Variants in PID1 observed in about 807,000 individuals in gnomAD.
PID1 encodes PTB-containing, cubilin and LRP1-interacting protein.
Under a neutral mutation model 19.1 loss-of-function variants are expected in PID1, and 10 were observed. The ratio of observed to expected loss-of-function variants is 0.52; its 90% CI spans 0.32 to 0.89. PID1 has a LOEUF of 0.89. Among genes scored for constraint, PID1 ranks in the 40% least tolerant of loss-of-function variants. The pLI is 0.03. For synonymous variants in PID1, 130 were observed against 116.0 expected, an observed-to-expected ratio of 1.12 and a Z score of -0.78; for missense variants, 248 against 285.3, an observed-to-expected ratio of 0.87 and a Z score of 0.94.
intron 2 of PID1, among the ~76,000 whole-genome samples, chr2:229,034,942 C>G (rs999152420): frequency 6.6e-6 from 1 of 152,062 alleles, no homozygotes; most frequent in African/African-American, 2.4e-5. Context: ...GTGGCAGTCC[C>G]AGAGCCCACC....
Position 229,200,139 on chromosome 2 carries a change from C to T in PID1, c.31-44175G>A, listed in dbSNP as rs115930229. 2.4e-3 allele frequency among the ~76,000 whole-genome samples: 370 copies of T among 151,960 alleles called. 3 individuals are homozygous for T. Among genetic ancestry groups the T allele is most frequent in the African/African-American group, 8.4e-3 (348 of 41,448 alleles). On this transcript the variant is annotated intron_variant, in intron 1 of 2. Transcript: ENST00000392055. ...AAGTGATGACTCCGCTGCTGCACTC[C>T]CCCGACTCATCCTAGGTCCAACAGG...
At chr2:229,183,195 G>A (rs971848967) in intron 1 of PID1, among the ~76,000 whole-genome samples, 1 of 152,334 alleles carries the variant, frequency 6.6e-6, no homozygotes, top group African/African-American at 2.4e-5. Context: ...GATGGACGCA[G>A]AGGCTGGAGG....
intron 2 of PID1, among the ~76,000 whole-genome samples, chr2:229,127,272 C>T (rs895989718): frequency 5.3e-5 from 8 of 152,164 alleles, no homozygotes; most frequent in African/African-American, 1.9e-4. Flanking sequence ...GCAAAGTGGG[C>T]CTAATAATTG....
At chr2:229,048,216 C>A (rs965102667) in intron 2 of PID1, among the ~76,000 whole-genome samples, 1 of 152,152 alleles carries the variant, frequency 6.6e-6, no homozygotes, top group African/African-American at 2.4e-5. Context: ...GCTTAAGTCA[C>A]AGATGTTCTC....
chr2:229,113,450 A>C (rs781173211), intron 2 of PID1, among the ~76,000 whole-genome samples: 3 of 31,200 alleles, frequency 9.6e-5, no homozygotes, highest in African/African-American at 2.0e-4. Flanking sequence ...ATACACACAC[A>C]AACACACACA....
chr2:229,065,122 G>C lies in PID1; in HGVS notation c.178-39014C>G, dbSNP rs555514179. Among the ~76,000 whole-genome samples the C allele has an allele frequency of 3.9e-5, 6 of 152,134 alleles. No individual in the cohort carries two copies. The South Asian group carries it at 8.3e-4, about 21-fold the overall frequency. The stretch of plus-strand genomic sequence containing the variant: ...CATTCTCAAGGTGCTCGGCAAGAAA[G>C]ACCTTGGCTGAATGGTAAGTATCCA... On this transcript the variant is annotated intron_variant, in intron 2 of 2. Coordinates refer to ENST00000392055, the MANE Select transcript of PID1 (RefSeq NM_001100818.2).
At chr2:229,197,649 A>G (rs553277857) in intron 1 of PID1, among the ~76,000 whole-genome samples, 2 of 152,138 alleles carry the variant, frequency 1.3e-5, no homozygotes, top group South Asian at 4.1e-4. Context: ...GTGGTAAACA[A>G]TTACAAATTG....
chr2:229,106,000 A>AC (rs1217743999), intron 2 of PID1, among the ~76,000 whole-genome samples: 2 of 147,666 alleles, frequency 1.4e-5, no homozygotes, highest in Non-Finnish European at 3.0e-5. Context: ...AATAGAGTGA[A>AC]CCCGGGAGGT....
chr2:229,174,440 T>C (rs1690772664), intron 1 of PID1, among the ~76,000 whole-genome samples: 1 of 152,130 alleles, frequency 6.6e-6, no homozygotes. Flanking sequence ...GTTGTAAATG[T>C]AAAGTGAACA....
intron 1 of PID1, among the ~76,000 whole-genome samples, chr2:229,217,384 C>G (rs897357150): frequency 1.8e-4 from 27 of 152,186 alleles, no homozygotes; most frequent in Admixed American, 1.7e-3. Flanking sequence ...AAAACAGCAT[C>G]AAGAAGAAAT....
At chr2:229,037,205 T>C (rs1263322692) in intron 2 of PID1, among the ~76,000 whole-genome samples, 1 of 152,200 alleles carries the variant, frequency 6.6e-6, no homozygotes, top group African/African-American at 2.4e-5. Flanking sequence ...ATTATGTCGA[T>C]ATAATCTATA....
chr2:229,242,516 C>T (rs374336661), intron 1 of PID1, among the ~76,000 whole-genome samples: 57 of 152,134 alleles, frequency 3.7e-4, no homozygotes, highest in African/African-American at 1.3e-3. Context: ...AACCTCAGGA[C>T]TCTCCTCTAC....
chr2:229,038,119 T>C (rs1017317999), intron 2 of PID1, among the ~76,000 whole-genome samples: 5 of 152,212 alleles, frequency 3.3e-5, no homozygotes, highest in Non-Finnish European at 5.9e-5. Context: ...CTAGAGATTC[T>C]AGTAAGCAAC....
chr2:229,087,950 A>G (rs577361030), intron 2 of PID1, among the ~76,000 whole-genome samples: 1 of 152,198 alleles, frequency 6.6e-6, no homozygotes, highest in African/African-American at 2.4e-5. Context: ...GCATTATACC[A>G]AGTCATACTA....
chr2:229,073,165 A>G (rs542642788), intron 2 of PID1, among the ~76,000 whole-genome samples: 6 of 152,280 alleles, frequency 3.9e-5, no homozygotes, highest in Non-Finnish European at 7.4e-5. Context: ...AGCTGGGACT[A>G]CCGGCGCCCG....
chr2:229,054,160 G>T (rs900901697), intron 2 of PID1, among the ~76,000 whole-genome samples: 2 of 152,176 alleles, frequency 1.3e-5, no homozygotes, highest in African/African-American at 4.8e-5. Flanking sequence ...AATAATGCAA[G>T]AAAGCAGGTA....
intron 1 of PID1, among the ~76,000 whole-genome samples, chr2:229,241,740 C>T (rs2106276639): frequency 6.6e-6 from 1 of 152,206 alleles, no homozygotes; most frequent in East Asian, 1.9e-4. Context: ...AGCAAAGCAC[C>T]TAACCACTTC....
chr2:229,051,454 C>T (rs776407181), intron 2 of PID1, among the ~76,000 whole-genome samples: 48 of 152,136 alleles, frequency 3.2e-4, no homozygotes, highest in Non-Finnish European at 2.2e-4. Flanking sequence ...TCTTCTGCCT[C>T]AGCCTCCCAA....
Position 229,271,047 on chromosome 2 carries a change from C to A in PID1, c.-4G>T. ...GCTCCGTGGCCGGCTGCCACATCTT[C>A]CAGCCCTGGGTTTTGGCAGAGGAGA... is the stretch of plus-strand genomic sequence containing the variant. On this transcript the variant is annotated 5_prime_UTR_variant, in exon 1 of 3. Coordinates refer to ENST00000392055, the MANE Select transcript of PID1 (RefSeq NM_001100818.2). The A allele has an allele frequency of 6.5e-7, 1 of 1,545,400 alleles. No homozygotes were observed. Among genetic ancestry groups the A allele is most frequent in the East Asian group, 2.5e-5 (1 of 40,206 alleles).
Sources: gnomAD v4.1 joint callset for allele counts (sites outside exome capture counted in the v4.1 genomes callset) on GRCh38, gnomAD v4.1.1 for gene constraint, MANE v1.5 for transcripts, NCBI Gene and HGNC (gene_info 2026-07-23, HGNC 2026-07-21) for gene names.